Variants in PCDHA8 observed in about 807,000 individuals in gnomAD.
PCDHA8 encodes the protein protocadherin alpha 8, also known as protocadherin alpha-8.
Under a neutral mutation model 61.8 loss-of-function variants are expected in PCDHA8, and 53 were observed. That is an observed-to-expected ratio of 0.86 (90% CI 0.69 to 1.08). PCDHA8 has a LOEUF of 1.08. Ranked by LOEUF, PCDHA8 falls within the 50% of genes least tolerant of loss-of-function variation. PCDHA8 has a pLI of 0.00. For synonymous variants in PCDHA8, 618 were observed against 556.6 expected, an observed-to-expected ratio of 1.11 and a Z score of -1.55; for missense variants, 1,293 against 1,245.0, an observed-to-expected ratio of 1.04 and a Z score of -0.58.
At chr5:140,870,929 A>C in intron 1 of PCDHA8, 3 of 1,613,868 alleles carry the variant, frequency 1.9e-6, no homozygotes, top group Non-Finnish European at 2.5e-6. Context: ...CTTTCATATG[A>C]ATTGCAGCCG....
chr5:140,877,021 G>A, intron 1 of PCDHA8: 1 of 1,612,514 alleles, frequency 6.2e-7, no homozygotes, highest in Non-Finnish European at 8.5e-7. Context: ...GAGCGGCAAG[G>A]TGTACGCGCT....
intron 2 of PCDHA8, among the ~76,000 whole-genome samples, chr5:140,980,152 C>G (rs1554241475): frequency 6.6e-6 from 1 of 152,040 alleles, no homozygotes; most frequent in African/African-American, 2.4e-5. Context: ...CATGCATATA[C>G]CAGAATATTA....
chr5:140,845,771 A>G (rs1034344709), intron 1 of PCDHA8, among the ~76,000 whole-genome samples: 1 of 149,762 alleles, frequency 6.7e-6, no homozygotes, highest in Admixed American at 6.7e-5. Context: ...GTTAATAGTT[A>G]TAAATTATTA....
At chr5:141,008,440 A>T (rs545076432) in intron 3 of PCDHA8, among the ~76,000 whole-genome samples, 196 of 152,294 alleles carry the variant, frequency 1.3e-3, no homozygotes, top group South Asian at 8.7e-3. Flanking sequence ...GCCCAGACAG[A>T]CCATTACCCT....
chr5:140,944,608 G>A (rs2093673405), intron 1 of PCDHA8, among the ~76,000 whole-genome samples: 1 of 152,176 alleles, frequency 6.6e-6, no homozygotes, highest in Non-Finnish European at 1.5e-5. Flanking sequence ...AGAGTAGTGT[G>A]CTGTAGAAGT....
intron 1 of PCDHA8, among the ~76,000 whole-genome samples, chr5:140,886,029 T>C (rs1464446627): frequency 1.3e-5 from 2 of 152,180 alleles, no homozygotes; most frequent in Non-Finnish European, 2.9e-5. Context: ...TATTCTTCAC[T>C]AAGTTTTCCC....
At chr5:140,951,941 C>T (rs576414648) in intron 1 of PCDHA8, among the ~76,000 whole-genome samples, 8 of 152,220 alleles carry the variant, frequency 5.3e-5, no homozygotes, top group African/African-American at 1.4e-4. Flanking sequence ...AGATACAGTG[C>T]GGGTACAGGC....
intron 1 of PCDHA8, among the ~76,000 whole-genome samples, chr5:140,917,545 C>G (rs1049973588): frequency 6.6e-6 from 1 of 152,212 alleles, no homozygotes; most frequent in Non-Finnish European, 1.5e-5. Flanking sequence ...TTAGGTTTTA[C>G]ATTTAACTCT....
chr5:140,986,947 C>T (rs983987541), intron 3 of PCDHA8, among the ~76,000 whole-genome samples: 1 of 152,160 alleles, frequency 6.6e-6, no homozygotes, highest in African/African-American at 2.4e-5. Context: ...GGTGTGGTCG[C>T]TCATGCCTGT....
intron 1 of PCDHA8, chr5:140,870,006 G>A (rs1554163702): frequency 1.2e-6 from 2 of 1,613,604 alleles, no homozygotes; most frequent in Non-Finnish European, 1.7e-6. Flanking sequence ...ATGGAGAAGT[G>A]AGGGTCAATG....
intron 1 of PCDHA8, among the ~76,000 whole-genome samples, chr5:140,934,142 T>C (rs1359446492): frequency 1.3e-5 from 2 of 152,170 alleles, no homozygotes; most frequent in African/African-American, 4.8e-5. Context: ...TTTCCTTCCT[T>C]ATATGTTTAT....
intron 3 of PCDHA8, among the ~76,000 whole-genome samples, chr5:141,004,523 A>G (rs934216851): frequency 3.3e-5 from 5 of 152,232 alleles, no homozygotes; most frequent in Admixed American, 2.0e-4. Flanking sequence ...CTCTGCCAAT[A>G]CACACAGCCA....
intron 1 of PCDHA8, chr5:140,857,129 G>A: frequency 6.3e-7 from 1 of 1,598,280 alleles, no homozygotes; most frequent in Non-Finnish European, 8.6e-7. Context: ...AGTGAAAGAA[G>A]ATGCTCAAGT....
At chr5:140,858,235 A>T (rs2045286318) in intron 1 of PCDHA8, 1 of 1,596,218 alleles carries the variant, frequency 6.3e-7, no homozygotes, top group African/African-American at 1.3e-5. Flanking sequence ...CCGAGGGCGC[A>T]TGTGGGCCGG....
intron 1 of PCDHA8, among the ~76,000 whole-genome samples, chr5:140,887,243 C>T (rs950171388): frequency 6.0e-4 from 91 of 152,060 alleles, no homozygotes; most frequent in Non-Finnish European, 1.2e-3. Context: ...ACTACCGGCG[C>T]CCGCCACCAC....
At chr5:140,884,120 G>A in intron 1 of PCDHA8, 1 of 1,613,322 alleles carries the variant, frequency 6.2e-7, no homozygotes, top group Non-Finnish European at 8.5e-7. Flanking sequence ...GGCGGTCGGC[G>A]CGCGCATCCC....
rs2098422174 is a variant in PCDHA8 at position 141,011,893 on chromosome 5, T to G, written c.*1956T>G. On this transcript the variant is annotated 3_prime_UTR_variant, in exon 4 of 4. Coordinates refer to ENST00000531613, the MANE Select transcript of PCDHA8 (RefSeq NM_018911.3). ...CAATTTAGAAGTTTGATTAATTATATTATCTATTTAGGCATTAATATAAAA... is the reference window on the plus strand; with the variant it reads ...CAATTTAGAAGTTTGATTAATTATAGTATCTATTTAGGCATTAATATAAAA... The G allele has an allele frequency of 6.5e-6, 1 of 153,362 alleles. No individual in the cohort carries two copies. Among genetic ancestry groups the G allele is most frequent in the Admixed American group, 6.5e-5 (1 of 15,272 alleles). 9.5% of individuals were successfully genotyped at this position (153,362 alleles called of 1,614,324 possible). A position where few individuals can be genotyped will look rare whatever the true frequency, so the allele number is the denominator to read the frequency against.
At chr5:140,861,509 G>T in intron 1 of PCDHA8, 1 of 479,910 alleles carries the variant, frequency 2.1e-6, no homozygotes, top group Non-Finnish European at 4.3e-6. Context: ...ACCTCGAGGA[G>T]CTGTGTGGGA....
chr5:140,883,826 C>G, intron 1 of PCDHA8: 1 of 1,612,622 alleles, frequency 6.2e-7, no homozygotes, highest in South Asian at 1.1e-5. Context: ...GGTGTACGCG[C>G]TGCAGCCGTT....
Sources: allele counts gnomAD v4.1 joint callset (sites outside exome capture counted in the v4.1 genomes callset), GRCh38; gene constraint gnomAD v4.1.1; transcripts MANE v1.5; gene names NCBI Gene and HGNC (gene_info 2026-07-23, HGNC 2026-07-21).